The following OTOP1 variants were observed in gnomAD, a reference collection of about 807,000 sequenced individuals.
OTOP1 encodes the protein otopetrin 1, also known as proton channel OTOP1.
In OTOP1, 59 loss-of-function variants were observed where a neutral mutation model predicts 52.9. That is an observed-to-expected ratio of 1.12 (90% CI 0.91 to 1.39). OTOP1 has a LOEUF of 1.39. Ranked by LOEUF, OTOP1 falls within the 40% of genes most tolerant of loss-of-function variation. The probability of loss-of-function intolerance (pLI) is 0.00; values close to 1 mark genes in which losing one functional copy is unlikely to be tolerated. For missense variants in OTOP1, 761 were observed against 800.9 expected (o/e 0.95, Z 0.60); for synonymous variants, 317 against 337.7 (o/e 0.94, Z 0.67).
Position 4,202,494 on chromosome 4 carries a change from C to T in OTOP1, c.684G>A (p.Glu228=). 1 of 1,614,066 alleles carries T rather than the reference C, an allele frequency of 6.2e-7. No individual in the cohort carries two copies. The change falls in exon 4 of 6, where the codon GAG becomes GAA. Residue 228 remains glutamate, a synonymous_variant. Coordinates refer to ENST00000296358, the MANE Select transcript of OTOP1 (RefSeq NM_177998.3). ...CCAGAGTGATGAGCCGTTCCTTGTG[C>T]TCATTGAGTTGGTGCTTTGACTCAT... is the stretch of plus-strand genomic sequence containing the variant. The part of the protein sequence containing the change: ...VLNESKHQLN[E]HKERLITLGF...
intron 5 of OTOP1, 70 bp downstream of exon 5, chr4:4,197,096 G>A: frequency 6.9e-7 from 1 of 1,449,448 alleles, no homozygotes; most frequent in South Asian, 1.3e-5. Context: ...ATCTGCATGT[G>A]TACCCCTTGA....
chr4:4,226,483 C>A lies in OTOP1; in HGVS notation c.382G>T (p.Ala128Ser). Residue 128 changes from alanine to serine, a missense_variant, in exon 1 of 6, where the codon GCG (alanine) becomes TCG (serine). Physicochemically the swap from Ala to Ser is moderately conservative, Grantham distance 99. Around this residue, in one of 3 missense-constraint regions of OTOP1, gnomAD observed 632 missense variants for 619.5 expected, o/e 1.02. Coordinates refer to ENST00000296358, the MANE Select transcript of OTOP1 (RefSeq NM_177998.3). ...RRLFRLKDTHAGAGWLRGSIT... is the reference protein window; with the variant it reads ...RRLFRLKDTHSGAGWLRGSIT... ...TCACCGCGCAGCCAGCCGGCACCCG[C>A]GTGCGTGTCCTTGAGGCGGAAGAGG... 3 of 1,538,254 alleles carry A rather than the reference C, an allele frequency of 2.0e-6. No homozygotes were observed. The South Asian group carries it at 3.6e-5, about 18-fold the overall frequency.
intron 4 of OTOP1, 56 bp downstream of exon 4, chr4:4,202,392 G>T: frequency 4.4e-6 from 7 of 1,606,810 alleles, no homozygotes; most frequent in Non-Finnish European, 6.0e-6. Flanking sequence ...GGACTCTGCA[G>T]GTTTCCAAGA....
At chr4:4,199,552 A>G (rs140153307) in intron 4 of OTOP1, among the ~76,000 whole-genome samples, 10,733 of 152,068 alleles carry the variant, frequency 0.071, 512 homozygotes, top group South Asian at 0.13. Flanking sequence ...AGCTGGGACC[A>G]CAGGCCCGTG....
chr4:4,224,261 C>T (rs1338903926), intron 1 of OTOP1, among the ~76,000 whole-genome samples: 1 of 151,364 alleles, frequency 6.6e-6, no homozygotes, highest in African/African-American at 2.4e-5. Context: ...GCAGGAGAAT[C>T]GTTTGAACCC....
At chr4:4,205,940 AG>A in intron 3 of OTOP1, 131 bp downstream of exon 3, 1 of 766,930 alleles carries the variant, frequency 1.3e-6, no homozygotes, top group Non-Finnish European at 2.1e-6. Context: ...GCCACAAGTG[AG>A]AGCTTAGCTT....
At chr4:4,194,874 T>TA (rs1174286376) in intron 5 of OTOP1, among the ~76,000 whole-genome samples, 1 of 152,142 alleles carries the variant, frequency 6.6e-6, no homozygotes, top group Non-Finnish European at 1.5e-5. Context: ...TATGTGTCTT[T>TA]AAAAAAATCC....
At chr4:4,212,116 A>G (rs2108802690) in intron 2 of OTOP1, among the ~76,000 whole-genome samples, 1 of 152,362 alleles carries the variant, frequency 6.6e-6, no homozygotes, top group Middle Eastern at 3.4e-3. Context: ...AAAGAAAAAA[A>G]ATGAGGCTGA....
At chr4:4,214,888 A>T (rs751439662) in intron 1 of OTOP1, among the ~76,000 whole-genome samples, 34 of 152,336 alleles carry the variant, frequency 2.2e-4, no homozygotes, top group South Asian at 1.5e-3. Context: ...AAAAGTGTAT[A>T]TGTTCTTAAC....
At chr4:4,199,569 C>T (rs1716733502) in intron 4 of OTOP1, among the ~76,000 whole-genome samples, 1 of 151,984 alleles carries the variant, frequency 6.6e-6, no homozygotes, top group South Asian at 2.1e-4. Flanking sequence ...CGTGCCACCA[C>T]GCCCGGCTAA....
chr4:4,220,105 A>ATATATAT (rs1434375771), intron 1 of OTOP1, among the ~76,000 whole-genome samples: 8 of 59,396 alleles, frequency 1.3e-4, no homozygotes, highest in African/African-American at 3.1e-4. Context: ...ATATATATAT[A>ATATATAT]TTTTTTTTTT....
chr4:4,190,299 C>A (rs1198643968), intron 5 of OTOP1, among the ~76,000 whole-genome samples: 2 of 152,104 alleles, frequency 1.3e-5, no homozygotes, highest in East Asian at 3.9e-4. Flanking sequence ...ATGGTGAAAC[C>A]CCATCTCTAC....
chr4:4,211,895 G>A (rs1234110231), intron 2 of OTOP1, among the ~76,000 whole-genome samples: 9 of 152,170 alleles, frequency 5.9e-5, no homozygotes, highest in Non-Finnish European at 1.0e-4. Context: ...TTCTAGAGAC[G>A]TAATGGACAA....
chr4:4,197,621 A>G lies in OTOP1; in HGVS notation c.1213T>C (p.Ser405Pro), dbSNP rs1351117624. The G allele has an allele frequency of 6.2e-7, 1 of 1,613,586 alleles. No individual in the cohort carries two copies. The highest frequency in any genetic ancestry group is 2.2e-5 in the East Asian group (1 of 44,882). The stretch of plus-strand genomic sequence containing the variant: ...AGGATGGCCAAGATTGAGCCCCAGG[A>G]GATAAGCCAGGAGCCCGAGGCAGTG... ...VGTASGSWLI[S>P]WGSILAILCA... Residue 405 changes from serine (S) to proline (P), a missense_variant, in exon 5 of 6, where the codon TCC becomes CCC. By Grantham distance (74) the Ser-to-Pro change is moderately conservative (BLOSUM62 -1). Coordinates refer to ENST00000296358, the MANE Select transcript of OTOP1 (RefSeq NM_177998.3).
chr4:4,209,475 CAACT>C (rs1294703200), intron 2 of OTOP1, among the ~76,000 whole-genome samples: 2 of 152,112 alleles, frequency 1.3e-5, no homozygotes, highest in African/African-American at 4.8e-5. Context: ...TCCAACCCAC[CAACT>C]AAGAGGGATA....
Position 4,205,395 on chromosome 4 carries a change from T to C in OTOP1, c.599+677A>G, listed in dbSNP as rs372875643. On this transcript the variant is annotated intron_variant, in intron 3 of 5. Coordinates refer to ENST00000296358, the MANE Select transcript of OTOP1 (RefSeq NM_177998.3). Reference sequence around the variant, plus strand: ...CGCCTGCCTGAAGGCAGGATGGCGATTCACAAAAACAAAAGATCTTGCTAC... The same window carrying C: ...CGCCTGCCTGAAGGCAGGATGGCGACTCACAAAAACAAAAGATCTTGCTAC... Among the ~76,000 whole-genome samples, 203 of 152,304 alleles carry C rather than the reference T, an allele frequency of 1.3e-3. 3 individuals are homozygous for C. The South Asian group carries it at 0.039, about 29-fold the overall frequency.
At chr4:4,218,753 C>T (rs1057497822) in intron 1 of OTOP1, among the ~76,000 whole-genome samples, 6 of 152,072 alleles carry the variant, frequency 3.9e-5, no homozygotes, top group Non-Finnish European at 7.4e-5. Flanking sequence ...CATGGTGAAA[C>T]CCCGTCTCTA....
intron 1 of OTOP1, among the ~76,000 whole-genome samples, chr4:4,216,947 C>T (rs2108804434): frequency 6.6e-6 from 1 of 152,334 alleles, no homozygotes; most frequent in South Asian, 2.1e-4. Context: ...GGCTCCGCCT[C>T]CAGAGTTTCT....
chr4:4,219,895 G>GTATACATATATGTATA (rs1717245530), intron 1 of OTOP1, among the ~76,000 whole-genome samples: 1 of 137,990 alleles, frequency 7.2e-6, no homozygotes, highest in African/African-American at 2.9e-5. Context: ...ACACATATAT[G>GTATACATATATGTATA]TATACACATA....
Sources: allele counts gnomAD v4.1 joint callset (sites outside exome capture counted in the v4.1 genomes callset), GRCh38; gene constraint gnomAD v4.1.1; regional missense constraint gnomAD v4.1.1; transcripts MANE v1.5; gene names NCBI Gene and HGNC (gene_info 2026-07-23, HGNC 2026-07-21).